The following TBCK variants were observed in gnomAD, a reference collection of about 807,000 sequenced individuals.
TBCK encodes TBC1 domain containing kinase, also known as TBC domain-containing protein kinase-like protein.
A neutral mutation model predicts 113.4 loss-of-function variants in TBCK; 99 were observed. The ratio of observed to expected loss-of-function variants is 0.87; its 90% CI spans 0.74 to 1.03. The LOEUF (loss-of-function observed/expected upper bound fraction) is 1.03, where lower values mean the gene tolerates loss of function less well. Among genes scored for constraint, TBCK ranks in the 50% least tolerant of loss-of-function variants. The pLI is 0.00. For synonymous variants in TBCK, 369 were observed against 370.8 expected (o/e 1.00, Z 0.05); for missense variants, 1,045 against 1,061.3 (o/e 0.98, Z 0.21).
intron 24 of TBCK, among the ~76,000 whole-genome samples, chr4:106,112,275 A>G (rs552892180): frequency 3.0e-4 from 46 of 152,354 alleles, no homozygotes; most frequent in Middle Eastern, 3.4e-3. Context: ...GTATTGCCTT[A>G]TCTATGGACC....
In TBCK at chr4:106,241,338, T is replaced by C. The variant is rs561099247; in HGVS notation, c.1170+1132A>G. Among the ~76,000 whole-genome samples the C allele has an allele frequency of 9.5e-4, 141 of 148,762 alleles. 1 individual carries two copies. In the South Asian group the frequency reaches 0.029, roughly 30 times the overall value. On this transcript the variant is annotated intron_variant, in intron 12 of 25. Transcript: ENST00000394708. ...CATCAATTCTCTACAAATTAACTTA[T>C]CAATTCAATGCAATGTCAATCAAAA...
Position 106,131,065 on chromosome 4 carries a change from T to C in TBCK, c.2236-14687A>G, listed in dbSNP as rs951980143. ...CAAAGATAGGGCCAGGTGGAGATAATTGAATCATGGGGGTGGTTTCTCCCA... is the reference window on the plus strand; with the variant it reads ...CAAAGATAGGGCCAGGTGGAGATAACTGAATCATGGGGGTGGTTTCTCCCA... On this transcript the variant is annotated intron_variant, in intron 23 of 25. Transcript: ENST00000394708. Among the ~76,000 whole-genome samples the C allele has an allele frequency of 7.9e-5, 12 of 152,276 alleles. No individual in the cohort carries two copies. In the East Asian group the frequency reaches 9.6e-4, roughly 12 times the overall value.
intron 24 of TBCK, among the ~76,000 whole-genome samples, 175 bp from the exon 25 acceptor site, chr4:106,095,816 A>T (rs1740837931): frequency 6.6e-6 from 1 of 152,200 alleles, no homozygotes; most frequent in South Asian, 2.1e-4. Flanking sequence ...GTTAAATTTG[A>T]AAATGAAGTA....
chr4:106,207,641 A>G (rs576025364), intron 20 of TBCK, among the ~76,000 whole-genome samples: 27 of 152,326 alleles, frequency 1.8e-4, no homozygotes, highest in African/African-American at 6.3e-4. Flanking sequence ...CTCACTGTCA[A>G]TAATGTCTAC....
chr4:106,306,099 T>TG (rs146527840), intron 2 of TBCK, among the ~76,000 whole-genome samples: 19,646 of 152,084 alleles, frequency 0.13, 1,605 homozygotes, highest in South Asian at 0.24. Context: ...AACCTTCTCT[T>TG]GGGGGTCTGG....
At chr4:106,050,006 C>G (rs529044016) in intron 25 of TBCK, among the ~76,000 whole-genome samples, 5 of 151,924 alleles carry the variant, frequency 3.3e-5, no homozygotes, top group African/African-American at 9.7e-5. Context: ...AATTCCTATA[C>G]GTATATGTGG....
In TBCK at chr4:106,078,650, C is replaced by T. The variant is rs577355983; in HGVS notation, c.2571+16832G>A. Among the ~76,000 whole-genome samples the T allele has an allele frequency of 4.0e-5, 6 of 151,508 alleles. No homozygotes were observed. The South Asian group carries it at 1.3e-3, about 32-fold the overall frequency. ...ATTGAATCAGTAATAAAAAGCCTAC[C>T]AACCAAAAAAAGCCCTGAACCAGAT... On this transcript the variant is annotated intron_variant, in intron 25 of 25. Transcript: ENST00000394708.
At chr4:106,201,477 C>T (rs1254243915) in intron 20 of TBCK, among the ~76,000 whole-genome samples, 1 of 152,008 alleles carries the variant, frequency 6.6e-6, no homozygotes, top group East Asian at 1.9e-4. Flanking sequence ...GAAAAGAAAT[C>T]ATACATACTC....
At chr4:106,181,589 C>A (rs889465576) in intron 22 of TBCK, among the ~76,000 whole-genome samples, 2 of 152,116 alleles carry the variant, frequency 1.3e-5, no homozygotes, top group Non-Finnish European at 2.9e-5. Flanking sequence ...CTGCATATGG[C>A]TAGCCAGTTA....
intron 25 of TBCK, among the ~76,000 whole-genome samples, chr4:106,054,663 A>G (rs1028277391): frequency 9.9e-5 from 15 of 151,738 alleles, no homozygotes; most frequent in African/African-American, 3.6e-4. Flanking sequence ...GCTAGTACAC[A>G]GTATTTGCTC....
At chr4:106,128,140 A>G (rs1745448476) in intron 23 of TBCK, among the ~76,000 whole-genome samples, 1 of 152,246 alleles carries the variant, frequency 6.6e-6, no homozygotes, top group Non-Finnish European at 1.5e-5. Flanking sequence ...GAAAATTTTA[A>G]ATATAGCTCA....
At chr4:106,269,295 CAAA>C (rs1162602979) in intron 3 of TBCK, among the ~76,000 whole-genome samples, 1 of 152,078 alleles carries the variant, frequency 6.6e-6, no homozygotes, top group African/African-American at 2.4e-5. Flanking sequence ...AACTTGAACA[CAAA>C]AGAGCTCAGC....
chr4:106,197,266 C>CAG (rs1231674773), intron 20 of TBCK, among the ~76,000 whole-genome samples: 1 of 151,112 alleles, frequency 6.6e-6, no homozygotes. Context: ...AAGATTCTGC[C>CAG]AGAGAGAGAG....
At chr4:106,193,798 T>C in intron 21 of TBCK, 28 bp from the exon 22 acceptor site, 1 of 1,400,248 alleles carries the variant, frequency 7.1e-7, no homozygotes, top group Non-Finnish European at 9.6e-7. Flanking sequence ...TACAAATAAA[T>C]TAAAAAACCA....
chr4:106,087,034 G>T (rs1248042732), intron 25 of TBCK, among the ~76,000 whole-genome samples: 2 of 152,274 alleles, frequency 1.3e-5, no homozygotes, highest in East Asian at 3.9e-4. Context: ...ATACAAGGAT[G>T]CCCTCTCTCA....
At chr4:106,259,070 A>G (rs1213523160) in intron 5 of TBCK, among the ~76,000 whole-genome samples, 1 of 151,958 alleles carries the variant, frequency 6.6e-6, no homozygotes, top group Non-Finnish European at 1.5e-5. Flanking sequence ...ACAGAAAGCT[A>G]TCTTATTTAT....
intron 23 of TBCK, among the ~76,000 whole-genome samples, chr4:106,126,015 T>C (rs1745167542): frequency 6.6e-6 from 1 of 152,240 alleles, no homozygotes; most frequent in African/African-American, 2.4e-5. Context: ...ATACCTCTTT[T>C]CTCACCCCTC....
At chr4:106,287,907 G>A (rs921029350) in intron 3 of TBCK, among the ~76,000 whole-genome samples, 14 of 152,066 alleles carry the variant, frequency 9.2e-5, no homozygotes, top group Non-Finnish European at 1.8e-4. Context: ...AATTATATGA[G>A]TTAATAAATT....
At chr4:106,188,310 G>C (rs1341641370) in intron 22 of TBCK, among the ~76,000 whole-genome samples, 1 of 152,046 alleles carries the variant, frequency 6.6e-6, no homozygotes. Context: ...TATATGTAGG[G>C]ATATTTTAAA....
Sources: allele counts gnomAD v4.1 joint callset (sites outside exome capture counted in the v4.1 genomes callset), GRCh38; gene constraint gnomAD v4.1.1; transcripts MANE v1.5; gene names NCBI Gene and HGNC (gene_info 2026-07-23, HGNC 2026-07-21).